Variants in EMC3 observed in about 807,000 individuals in gnomAD.
EMC3 encodes the protein ER membrane protein complex subunit 3, also known as 30 kDa protein.
A neutral mutation model predicts 36.6 loss-of-function variants in EMC3; 13 were observed. The observed-to-expected ratio is 0.35, with a 90% CI of 0.23 to 0.56. EMC3 has a LOEUF of 0.56. Among genes scored for constraint, EMC3 ranks in the 20% least tolerant of loss-of-function variants. The pLI is 0.84. For synonymous variants in EMC3, 120 were observed against 111.9 expected (o/e 1.07, Z -0.46); for missense variants, 220 against 324.5 (o/e 0.68, Z 2.47).
At chr3:9,986,848 C>G, upstream of EMC3, 2 of 1,377,650 alleles carry the variant, frequency 1.5e-6, no homozygotes, top group Non-Finnish European at 1.9e-6. Context: ...ACTTCCGGCG[C>G]GAACGTTGAC....
At chr3:9,996,545 A>G (rs1344980904) in intron 1 of EMC3, among the ~76,000 whole-genome samples, 1 of 152,226 alleles carries the variant, frequency 6.6e-6, no homozygotes, top group African/African-American at 2.4e-5. Context: ...TATGGCAGTA[A>G]TTCATACTGG....
Position 9,986,522 on chromosome 3 carries a change from T to A in EMC3, c.140A>T (p.Glu47Val). The A allele has an allele frequency of 6.2e-7, 1 of 1,614,170 alleles. No homozygotes were observed. The highest frequency in any genetic ancestry group is 8.5e-7 in the Non-Finnish European group (1 of 1,180,022). ...LLQSDKKLTQ[E>V]QVSDSQVLIR... ...GGGCGCTGACCTGTCAGATACTTGT[T>A]CCTGGGTGAGCTTCTTGTCGCTCTG... is the stretch of plus-strand genomic sequence containing the variant. Residue 47 changes from glutamate (E) to valine (V), a missense_variant, in exon 1 of 8, where the codon GAA (glutamate) becomes GTA (valine). Physicochemically the swap from Glu to Val is moderately radical, Grantham distance 121 (BLOSUM62 -2). Transcript: ENST00000245046.
chr3:9,978,716 G>A lies in EMC3; in HGVS notation c.156-1270C>T, dbSNP rs538290866. Among the ~76,000 whole-genome samples, 114 of 152,208 alleles carry A rather than the reference G, an allele frequency of 7.5e-4. 1 individual carries two copies. The South Asian group carries it at 0.022, about 30-fold the overall frequency. ...GTGGTGGCCTGTGCCTGTAATCCCA[G>A]CTACTCAGGAGGCTGAGGTAGGAGA... On this transcript the variant is annotated intron_variant, in intron 1 of 7. Coordinates refer to ENST00000245046, the MANE Select transcript of EMC3 (RefSeq NM_001394674.1).
In EMC3 at chr3:9,974,409, G is replaced by A. The variant is rs2085822358; in HGVS notation, c.387C>T (p.Asn129=). 6.2e-7 allele frequency: 1 copy of A among 1,613,540 alleles called. No individual in the cohort carries two copies. Among genetic ancestry groups the A allele is most frequent in the Non-Finnish European group, 8.5e-7 (1 of 1,179,440 alleles). The part of the protein sequence containing the change: ...LPMILIGGWI[N]MTFSGFVTTK... ...TTGTGACAAAGCCTGAGAATGTCAT[G>A]TTGATCCATCCACCAATAAGAATCA... The change falls in exon 4 of 8, where the codon AAC becomes AAT. Residue 129 remains asparagine (N), a synonymous_variant. Coordinates refer to ENST00000245046, the MANE Select transcript of EMC3 (RefSeq NM_001394674.1).
At chr3:9,978,487 G>A (rs1459057441) in intron 1 of EMC3, among the ~76,000 whole-genome samples, 1 of 152,052 alleles carries the variant, frequency 6.6e-6, no homozygotes, top group African/African-American at 2.4e-5. Flanking sequence ...AATGGAAATA[G>A]TCTTGAAACG....
At chr3:9,998,848 C>T (rs943297097) in intron 1 of EMC3, among the ~76,000 whole-genome samples, 2 of 151,988 alleles carry the variant, frequency 1.3e-5, no homozygotes, top group African/African-American at 2.4e-5. Flanking sequence ...CCTCCACTTC[C>T]GAGGCTCAAG....
chr3:9,988,418 T>C (rs927041818), upstream of EMC3: 20 of 1,363,694 alleles, frequency 1.5e-5, no homozygotes, highest in African/African-American at 2.9e-5. Flanking sequence ...TATTATTCTC[T>C]TTGATGTAAT....
At chr3:9,978,647 T>C (rs768670853) in intron 1 of EMC3, among the ~76,000 whole-genome samples, 2 of 151,832 alleles carry the variant, frequency 1.3e-5, no homozygotes, top group African/African-American at 2.4e-5. Flanking sequence ...CTTGCCAACA[T>C]GATGAAACCC....
At chr3:9,964,647 A>G (rs2085719588) in intron 7 of EMC3, among the ~76,000 whole-genome samples, 2 of 152,250 alleles carry the variant, frequency 1.3e-5, no homozygotes, top group Non-Finnish European at 2.9e-5. Context: ...ATGGTCCACA[A>G]TGCTTTGACA....
intron 7 of EMC3, among the ~76,000 whole-genome samples, chr3:9,968,118 C>T (rs574151599): frequency 2.0e-5 from 3 of 152,314 alleles, no homozygotes; most frequent in South Asian, 2.1e-4. Flanking sequence ...GATGGCGTTT[C>T]GCCACGTTGG....
chr3:9,997,389 T>C lies in EMC3; in HGVS notation c.-241-10487A>G, dbSNP rs569714345. On this transcript the variant is annotated intron_variant, in intron 1 of 8. Coordinates refer to the EMC3 transcript ENST00000470827. ...CCAGCCAGCATATTTTCAAGGTTCATGTATGTTGTAGCATGCATCAGAACT... is the reference window on the plus strand; with the variant it reads ...CCAGCCAGCATATTTTCAAGGTTCACGTATGTTGTAGCATGCATCAGAACT... Among the ~76,000 whole-genome samples, 5 of 151,958 alleles carry C rather than the reference T, an allele frequency of 3.3e-5. No individual in the cohort carries two copies. The South Asian group carries it at 1.0e-3, about 32-fold the overall frequency.
intron 1 of EMC3, among the ~76,000 whole-genome samples, chr3:10,005,805 C>T (rs2086255941): frequency 6.6e-6 from 1 of 152,158 alleles, no homozygotes; most frequent in African/African-American, 2.4e-5. Context: ...TTCAACTATC[C>T]CATGGCCACC....
At chr3:9,981,207 C>T (rs1345324854) in intron 1 of EMC3, among the ~76,000 whole-genome samples, 3 of 152,258 alleles carry the variant, frequency 2.0e-5, no homozygotes, top group South Asian at 4.2e-4. Context: ...CTCTTTAGTC[C>T]AGCCTGGGTG....
At chr3:9,994,514 C>A (rs2086099040) in intron 1 of EMC3, among the ~76,000 whole-genome samples, 1 of 152,138 alleles carries the variant, frequency 6.6e-6, no homozygotes, top group South Asian at 2.1e-4. Context: ...GTGTTCTGAA[C>A]TCTAAAATTC....
chr3:9,998,022 G>A (rs1437653242), intron 1 of EMC3, among the ~76,000 whole-genome samples: 2 of 151,994 alleles, frequency 1.3e-5, no homozygotes, highest in African/African-American at 2.4e-5. Context: ...ACCAATGCAC[G>A]TGGTCTCCAA....
chr3:10,002,869 C>T (rs2086221127), intron 1 of EMC3: 2 of 456,416 alleles, frequency 4.4e-6, no homozygotes, highest in African/African-American at 4.0e-5. Flanking sequence ...CCTGGCTCAA[C>T]AAGGCCCCCA....
At chr3:9,971,772 G>A (rs765385434) in intron 5 of EMC3, among the ~76,000 whole-genome samples, 19 of 152,196 alleles carry the variant, frequency 1.2e-4, no homozygotes, top group Non-Finnish European at 2.4e-4. Context: ...AGCCTTCCCA[G>A]CCTCTGGCCT....
At chr3:9,992,100 TTC>T (rs1374612877) in intron 1 of EMC3, among the ~76,000 whole-genome samples, 1 of 152,024 alleles carries the variant, frequency 6.6e-6, no homozygotes, top group South Asian at 2.1e-4. Context: ...ATCTACCTTT[TTC>T]TTTTTTTTTT....
chr3:9,995,616 C>T (rs879476616), intron 1 of EMC3, among the ~76,000 whole-genome samples: 2 of 151,442 alleles, frequency 1.3e-5, no homozygotes, highest in Non-Finnish European at 2.9e-5. Flanking sequence ...CAGCCACATC[C>T]AGGTAAGAAG....
Sources: gnomAD v4.1 joint callset for allele counts (sites outside exome capture counted in the v4.1 genomes callset) on GRCh38, gnomAD v4.1.1 for gene constraint, MANE v1.5 for transcripts, NCBI Gene and HGNC (gene_info 2026-07-23, HGNC 2026-07-21) for gene names.